ATP2B2: variants seen among roughly 807,000 people sequenced by gnomAD.
ATP2B2 encodes ATPase plasma membrane Ca2+ transporting 2.
A neutral mutation model predicts 120.0 loss-of-function variants in ATP2B2; 15 were observed. That is an observed-to-expected ratio of 0.12 (90% CI 0.08 to 0.19). The LOEUF is 0.19. Among genes scored for constraint, ATP2B2 ranks in the 10% least tolerant of loss-of-function variants. ATP2B2 has a pLI of 1.00. For missense variants in ATP2B2, 1,045 were observed against 1,719.8 expected (o/e 0.61, Z 6.94); for synonymous variants, 694 against 700.3 (o/e 0.99, Z 0.14).
intron 2 of ATP2B2, among the ~76,000 whole-genome samples, chr3:10,558,475 C>T (rs2067828416): frequency 6.6e-6 from 1 of 152,136 alleles, no homozygotes; most frequent in African/African-American, 2.4e-5. Flanking sequence ...GCACTTTTAC[C>T]ACCACGCAAG....
chr3:10,699,451 T>C (rs143884463), intron 1 of ATP2B2, among the ~76,000 whole-genome samples: 1,594 of 152,332 alleles, frequency 0.01, 27 homozygotes, highest in African/African-American at 0.036. Context: ...AAACAGAATA[T>C]CTATTTATCT....
rs1162197392 is a variant in ATP2B2, at chr3:10,417,777, A to G, written c.200-6962T>C. 2.6e-5 allele frequency among the ~76,000 whole-genome samples: 4 copies of G among 152,132 alleles called. No homozygotes were observed. In the East Asian group the frequency reaches 5.8e-4, roughly 22 times the overall value. On this transcript the variant is annotated intron_variant, in intron 2 of 22. Coordinates refer to ENST00000360273, the MANE Select transcript of ATP2B2 (RefSeq NM_001001331.4). ...TGTAGTTGTAATTGGGTGAGCTTGG[A>G]AGGAGTGAGGGTTGATCAGATGAAG...
chr3:10,485,498 C>T (rs139969169), intron 1 of ATP2B2, among the ~76,000 whole-genome samples: 203 of 152,324 alleles, frequency 1.3e-3, no homozygotes, highest in African/African-American at 4.2e-3. Flanking sequence ...TTGGCAGTCC[C>T]GCAGCAGGCT....
In ATP2B2 at chr3:10,360,054, C is replaced by T. The variant is rs200139854; in HGVS notation, c.1729G>A (p.Val577Met). 5.6e-5 allele frequency: 91 copies of T among 1,612,528 alleles called. No homozygotes were observed. The highest frequency in any genetic ancestry group is 2.5e-4 in the East Asian group (11 of 44,834). The change falls in exon 13 of 23, where the codon GTG (valine) becomes ATG (methionine). Residue 577 changes from valine to methionine, a missense_variant. Physicochemically the swap from Val to Met is conservative, Grantham distance 21. Coordinates refer to ENST00000360273, the MANE Select transcript of ATP2B2 (RefSeq NM_001001331.4). ...NKTECGLLGF[V>M]LDLKQDYEPV... Reference sequence around the variant, plus strand: ...TCGTAGTCCTGCTTCAGGTCCAGCACGAAGCCCAGCAGGCCGCACTCCGTC... The same window carrying T: ...TCGTAGTCCTGCTTCAGGTCCAGCATGAAGCCCAGCAGGCCGCACTCCGTC...
At chr3:10,395,102 T>C (rs911554553) in intron 5 of ATP2B2, among the ~76,000 whole-genome samples, 5 of 152,334 alleles carry the variant, frequency 3.3e-5, no homozygotes, top group East Asian at 3.9e-4. Context: ...CTAGGGATCA[T>C]TGAATCCCCT....
chr3:10,488,376 T>C (rs71624903), intron 1 of ATP2B2, among the ~76,000 whole-genome samples: 141,482 of 142,176 alleles, frequency 1, 70,399 homozygotes, highest in Admixed American at 1. Context: ...GATCCATCCA[T>C]CCACCCATCC....
chr3:10,689,142 A>G lies in ATP2B2; in HGVS notation c.-460+18773T>C, dbSNP rs558371230. On this transcript the variant is annotated intron_variant, in intron 1 of 21. Transcript: ENST00000646379. ...ACACCTGAGCCTTCCTGTGATCTAG[A>G]TAAGGAGCAAATCCTTGCGTTACCT... Among the ~76,000 whole-genome samples the G allele has an allele frequency of 9.2e-5, 14 of 152,340 alleles. No homozygotes were observed. In the South Asian group the frequency reaches 2.9e-3, roughly 32 times the overall value.
intron 16 of ATP2B2, among the ~76,000 whole-genome samples, chr3:10,349,023 A>T (rs1201616707): frequency 6.6e-6 from 1 of 152,242 alleles, no homozygotes; most frequent in Non-Finnish European, 1.5e-5. Context: ...GAGGAATCCA[A>T]GATGTTCTAG....
chr3:10,344,845 C>T (rs367790456), intron 18 of ATP2B2, among the ~76,000 whole-genome samples: 5 of 152,200 alleles, frequency 3.3e-5, no homozygotes, highest in South Asian at 2.1e-4. Context: ...CAGACCCAGT[C>T]GTGGTATCTG....
rs577142662 is a variant in ATP2B2, at chr3:10,340,613, G to A, written c.3009C>T (p.Val1003=). ...TGATCTCGTTGAAGAGCTGCATCAT[G>A]ACGAAGGTGTTGAAGATGATGGTGT... ...EHYTIIFNTF[V]MMQLFNEINA... The change falls in exon 20 of 23, where the codon GTC becomes GTT. Residue 1003 remains valine, a synonymous_variant. Transcript: ENST00000360273. This position sits in a 1 kb window ranked among gnomAD's most constrained non-coding sequence, Gnocchi z 5.0. 8.1e-6 allele frequency: 13 copies of A among 1,614,240 alleles called. No homozygotes were observed. The East Asian group carries it at 2.9e-4, about 36-fold the overall frequency.
intron 2 of ATP2B2, among the ~76,000 whole-genome samples, chr3:10,606,880 A>C (rs960946969): frequency 6.0e-5 from 6 of 100,050 alleles, no homozygotes; most frequent in Non-Finnish European, 1.1e-4. Flanking sequence ...ACGGAGTCTA[A>C]ACACACACAC....
chr3:10,461,273 T>C (rs1434435190), intron 1 of ATP2B2, among the ~76,000 whole-genome samples: 1 of 152,204 alleles, frequency 6.6e-6, no homozygotes, highest in Non-Finnish European at 1.5e-5. Flanking sequence ...CCTGGTTTGG[T>C]GACTGTGCAC....
At chr3:10,539,488 G>A (rs928394252) in intron 2 of ATP2B2, among the ~76,000 whole-genome samples, 1 of 152,184 alleles carries the variant, frequency 6.6e-6, no homozygotes, top group Non-Finnish European at 1.5e-5. Flanking sequence ...CAAGGCTATA[G>A]TAACCAAAAC....
At chr3:10,565,058 T>C (rs992833825) in intron 2 of ATP2B2, among the ~76,000 whole-genome samples, 3 of 152,136 alleles carry the variant, frequency 2.0e-5, no homozygotes, top group African/African-American at 7.2e-5. Flanking sequence ...TTCCACCTGG[T>C]CCCTGGAACT....
intron 1 of ATP2B2, among the ~76,000 whole-genome samples, chr3:10,690,354 C>T (rs1429143869): frequency 6.6e-6 from 1 of 152,066 alleles, no homozygotes; most frequent in East Asian, 1.9e-4. Flanking sequence ...CACATGCCGG[C>T]ATAGACAGAG....
chr3:10,471,408 G>A (rs1039875576), intron 1 of ATP2B2, among the ~76,000 whole-genome samples: 16 of 151,774 alleles, frequency 1.1e-4, no homozygotes, highest in South Asian at 2.1e-4. Context: ...GTTTGTGTGC[G>A]TGCACGTGTG....
At chr3:10,446,341 A>G (rs2063836082) in intron 2 of ATP2B2, among the ~76,000 whole-genome samples, 1 of 152,184 alleles carries the variant, frequency 6.6e-6, no homozygotes, top group Admixed American at 6.5e-5. Context: ...ATTTTATTCA[A>G]TATTCACAGC....
At chr3:10,634,750 AT>A (rs2069972972) in intron 1 of ATP2B2, among the ~76,000 whole-genome samples, 1 of 152,190 alleles carries the variant, frequency 6.6e-6, no homozygotes, top group Non-Finnish European at 1.5e-5. Context: ...CCTTGACCCC[AT>A]GACAAGTCAC....
chr3:10,362,362 G>A, intron 12 of ATP2B2, among the ~76,000 whole-genome samples: 1 of 152,228 alleles, frequency 6.6e-6, no homozygotes, highest in East Asian at 1.9e-4. Flanking sequence ...CTCTTCTGCA[G>A]CTAGGGCTCG....
Sources: allele counts gnomAD v4.1 joint callset (sites outside exome capture counted in the v4.1 genomes callset), GRCh38; gene constraint gnomAD v4.1.1; non-coding constraint Gnocchi (gnomAD v3.1); transcripts MANE v1.5; gene names NCBI Gene and HGNC (gene_info 2026-07-23, HGNC 2026-07-21).